The following MAPKAPK5 variants were observed in gnomAD, a reference collection of about 807,000 sequenced individuals.
MAPKAPK5 encodes MAP kinase-activated protein kinase 5.
In MAPKAPK5, 30 loss-of-function variants were observed where a neutral mutation model predicts 65.1. The observed-to-expected ratio is 0.46, with a 90% CI of 0.34 to 0.63. The LOEUF (loss-of-function observed/expected upper bound fraction) is 0.63. Among genes scored for constraint, MAPKAPK5 ranks in the 20% least tolerant of loss-of-function variants. The pLI is 0.01. For synonymous variants in MAPKAPK5, 179 were observed against 204.6 expected (o/e 0.87, Z 1.07); for missense variants, 433 against 581.4 (o/e 0.74, Z 2.63).
rs2068751107 is a variant in MAPKAPK5 at position 111,842,683 on chromosome 12, AG to A, written c.-48del. On this transcript the variant is annotated 5_prime_UTR_variant, in exon 1 of 14. Transcript: ENST00000550735. ...TTTGCTCCCTCGGCCGCGCGGGGAC[AG>A]GGCTGCTGAGCAGCCTCCGCCTCTC... is the stretch of plus-strand genomic sequence containing the variant. 2 of 1,324,202 alleles carry A rather than the reference AG, an allele frequency of 1.5e-6. No individual in the cohort carries two copies. The highest frequency in any genetic ancestry group is 5.8e-5 in the East Asian group (2 of 34,684). The allele number at this position is 1,324,202 out of a possible 1,614,324, so 82.0% of individuals were successfully genotyped here.
chr12:111,864,843 C>T (rs183710902), intron 1 of MAPKAPK5, among the ~76,000 whole-genome samples: 103 of 152,274 alleles, frequency 6.8e-4, no homozygotes, highest in Non-Finnish European at 1.0e-3. Context: ...TAGGCCTCTA[C>T]AGCTTGGCAG....
chr12:111,870,396 A>T, intron 6 of MAPKAPK5, 36 bp downstream of exon 6: 1 of 1,544,006 alleles, frequency 6.5e-7, no homozygotes, highest in Non-Finnish European at 8.9e-7. Flanking sequence ...TAGTGCTGCA[A>T]CTCTTAACAT....
intron 13 of MAPKAPK5, among the ~76,000 whole-genome samples, chr12:111,892,515 T>C (rs1243981649): frequency 3.9e-5 from 6 of 152,218 alleles, no homozygotes; most frequent in Non-Finnish European, 8.8e-5. Flanking sequence ...GGTTTTAGTT[T>C]GCATTACCCT....
At position 111,867,615 on chromosome 12, in the gene MAPKAPK5, A is replaced by T; in HGVS notation, c.230A>T (p.Gln77Leu). 1 of 1,613,994 alleles carries T rather than the reference A, an allele frequency of 6.2e-7. No individual in the cohort carries two copies. The highest frequency in any genetic ancestry group is 2.2e-5 in the East Asian group (1 of 44,890). ...MMCATHPNIVQIIEVFANSVQ... is the reference protein window; with the variant it reads ...MMCATHPNIVLIIEVFANSVQ... ...TGTGCCACACACCCAAACATAGTTC[A>T]GATTATTGAAGTGTTTGCTAACAGT... The change falls in exon 4 of 14, where the codon CAG (glutamine) becomes CTG (leucine). Residue 77 changes from glutamine (Q) to leucine (L), a missense_variant. This residue lies in a region of MAPKAPK5 where 165 missense variants were observed against 180.0 expected (regional missense o/e 0.92). Coordinates refer to ENST00000550735, the MANE Select transcript of MAPKAPK5 (RefSeq NM_003668.4).
At chr12:111,855,118 T>C (rs1008980632) in intron 1 of MAPKAPK5, among the ~76,000 whole-genome samples, 4 of 152,198 alleles carry the variant, frequency 2.6e-5, no homozygotes, top group African/African-American at 9.6e-5. Context: ...TCAATTGTGA[T>C]GTTCCCTCTT....
At chr12:111,871,252 C>T (rs1566251862) in intron 7 of MAPKAPK5, 72 bp downstream of exon 7, 9 of 1,256,264 alleles carry the variant, frequency 7.2e-6, no homozygotes, top group Admixed American at 1.8e-5. Flanking sequence ...TTCTATTCTA[C>T]AGCACAAGTA....
intron 7 of MAPKAPK5, chr12:111,879,387 GTT>G (rs11330242): frequency 2.7e-4 from 34 of 125,070 alleles, no homozygotes; most frequent in Middle Eastern, 4.0e-3. Flanking sequence ...TTTAGAGTAG[GTT>G]TTTTTTTTTT....
intron 7 of MAPKAPK5, among the ~76,000 whole-genome samples, chr12:111,878,150 A>G (rs1415758884): frequency 6.6e-6 from 1 of 151,792 alleles, no homozygotes; most frequent in Non-Finnish European, 1.5e-5. Context: ...GAAAATTCTA[A>G]TTTTCATGAA....
At chr12:111,848,042 T>G (rs2099440014) in intron 1 of MAPKAPK5, among the ~76,000 whole-genome samples, 1 of 152,266 alleles carries the variant, frequency 6.6e-6, no homozygotes, top group Non-Finnish European at 1.5e-5. Context: ...AATAAAGTGA[T>G]AAAACTGTAC....
rs999864521 is a variant in MAPKAPK5, at chr12:111,871,411, C to T, written c.579+231C>T. On this transcript the variant is annotated intron_variant, in intron 7 of 13. Coordinates refer to ENST00000550735, the MANE Select transcript of MAPKAPK5 (RefSeq NM_003668.4). ...ATCCCAGCACTTTGGGAGGCTGAGG[C>T]GGGTGGATTACAAGTTCAGGAGATG... 7.2e-5 allele frequency among the ~76,000 whole-genome samples: 11 copies of T among 151,934 alleles called. No individual in the cohort carries two copies. In the South Asian group the frequency reaches 1.0e-3, roughly 14 times the overall value.
At chr12:111,845,957 TGAATATTAGCTCATA>T (rs1308668263) in intron 1 of MAPKAPK5, among the ~76,000 whole-genome samples, 1 of 152,174 alleles carries the variant, frequency 6.6e-6, no homozygotes, top group Non-Finnish European at 1.5e-5. Context: ...AAGAGCTCAA[TGAATATTAGCTCATA>T]GCAACTTAAG....
Position 111,842,555 on chromosome 12 carries a change from C to A in MAPKAPK5, c.-179C>A, listed in dbSNP as rs912729050. 1.2e-5 allele frequency: 5 copies of A among 402,674 alleles called. No homozygotes were observed. Among genetic ancestry groups the A allele is most frequent in the Non-Finnish European group, 2.2e-5 (5 of 223,010 alleles). The allele number at this position is 402,674 out of a possible 1,614,324, so 24.9% of individuals were successfully genotyped here. On this transcript the variant is annotated 5_prime_UTR_variant, in exon 1 of 14. Coordinates refer to ENST00000550735, the MANE Select transcript of MAPKAPK5 (RefSeq NM_003668.4). ...GCTGCTGCTGCCGCCAGCCTAGAGCCGCCCGCCGAAGCAGAGCCGGCGCCG... is the reference window on the plus strand; with the variant it reads ...GCTGCTGCTGCCGCCAGCCTAGAGCAGCCCGCCGAAGCAGAGCCGGCGCCG...
chr12:111,886,435 G>A (rs1318224237), intron 10 of MAPKAPK5, among the ~76,000 whole-genome samples: 1 of 152,204 alleles, frequency 6.6e-6, no homozygotes, highest in Non-Finnish European at 1.5e-5. Context: ...TGAATGCTGT[G>A]GGAATTCAGA....
chr12:111,868,938 GA>G, intron 5 of MAPKAPK5, 77 bp downstream of exon 5: 1 of 1,118,206 alleles, frequency 8.9e-7, no homozygotes, highest in Non-Finnish European at 1.3e-6. Flanking sequence ...GGGAAGAAAA[GA>G]AAACTTAAAG....
chr12:111,860,976 C>T (rs1269754212), intron 1 of MAPKAPK5, among the ~76,000 whole-genome samples: 1 of 151,314 alleles, frequency 6.6e-6, no homozygotes, highest in Non-Finnish European at 1.5e-5. Flanking sequence ...CTGGCCAACA[C>T]GGTGAAACCC....
Position 111,842,555 on chromosome 12 carries a change from C to G in MAPKAPK5, c.-179C>G. 1 of 402,778 alleles carries G rather than the reference C, an allele frequency of 2.5e-6. No individual in the cohort carries two copies. Among genetic ancestry groups the G allele is most frequent in the Non-Finnish European group, 4.5e-6 (1 of 222,998 alleles). The allele number at this position is 402,778 out of a possible 1,614,324, so 25.0% of individuals were successfully genotyped here. On this transcript the variant is annotated 5_prime_UTR_variant, in exon 1 of 14. Transcript: ENST00000550735. ...GCTGCTGCTGCCGCCAGCCTAGAGCCGCCCGCCGAAGCAGAGCCGGCGCCG... is the reference window on the plus strand; with the variant it reads ...GCTGCTGCTGCCGCCAGCCTAGAGCGGCCCGCCGAAGCAGAGCCGGCGCCG...
At chr12:111,856,534 G>A (rs566347699) in intron 1 of MAPKAPK5, among the ~76,000 whole-genome samples, 29 of 151,806 alleles carry the variant, frequency 1.9e-4, no homozygotes, top group African/African-American at 6.8e-4. Flanking sequence ...AGCGTCCTGA[G>A]TAGCTGGAAT....
At position 111,855,189 on chromosome 12, in the gene MAPKAPK5, G is replaced by A. The variant is rs1593129605; in HGVS notation, c.37-10061G>A. 3.9e-5 allele frequency among the ~76,000 whole-genome samples: 6 copies of A among 152,142 alleles called. No individual in the cohort carries two copies. The South Asian group carries it at 1.0e-3, about 26-fold the overall frequency. On this transcript the variant is annotated intron_variant, in intron 1 of 13. Transcript: ENST00000550735. Reference sequence around the variant, plus strand: ...TTTGTATTGGTCAATTCAGCTAAAGGTTTGTTAACTTTGTTGATCTTTTCA... The same window carrying A: ...TTTGTATTGGTCAATTCAGCTAAAGATTTGTTAACTTTGTTGATCTTTTCA...
Position 111,883,606 on chromosome 12 carries a change from T to A in MAPKAPK5, c.686T>A (p.Val229Glu). 1 of 1,613,646 alleles carries A rather than the reference T, an allele frequency of 6.2e-7. No individual in the cohort carries two copies. Among genetic ancestry groups the A allele is most frequent in the Non-Finnish European group, 8.5e-7 (1 of 1,179,768 alleles). The change falls in exon 9 of 14, where the codon GTG becomes GAG. Residue 229 changes from valine (V) to glutamate (E), a missense_variant. Coordinates refer to ENST00000550735, the MANE Select transcript of MAPKAPK5 (RefSeq NM_003668.4). This position sits in a 1 kb window ranked among gnomAD's most constrained non-coding sequence, Gnocchi z 4.8. The part of the protein sequence containing the change: ...NKSCDLWSLG[V>E]IIYVMLCGYP... ...AGCTGTGACTTGTGGTCCCTAGGGGTGATTATCTATGTGATGCTGTGCGGA... is the reference window on the plus strand; with the variant it reads ...AGCTGTGACTTGTGGTCCCTAGGGGAGATTATCTATGTGATGCTGTGCGGA...
Sources: gnomAD v4.1 joint callset for allele counts (sites outside exome capture counted in the v4.1 genomes callset) on GRCh38, gnomAD v4.1.1 for gene constraint, gnomAD v4.1.1 regional missense constraint, Gnocchi (gnomAD v3.1) non-coding constraint, MANE v1.5 for transcripts, NCBI Gene and HGNC (gene_info 2026-07-23, HGNC 2026-07-21) for gene names.